The following CD8B variants were observed in gnomAD, a reference collection of about 807,000 sequenced individuals.
The protein encoded by CD8B is CD8 subunit beta, also known as T-cell surface glycoprotein CD8 beta chain.
Under a neutral mutation model 24.2 loss-of-function variants are expected in CD8B, and 6 were observed. The ratio of observed to expected loss-of-function variants is 0.25; its 90% CI spans 0.14 to 0.49. CD8B has a LOEUF of 0.49. Ranked by LOEUF, CD8B falls within the 20% of genes least tolerant of loss-of-function variation. The pLI is 0.98. For missense variants in CD8B, 196 were observed against 271.3 expected (o/e 0.72, Z 1.95); for synonymous variants, 84 against 108.3 (o/e 0.78, Z 1.39).
intron 5 of CD8B, chr2:86,815,823 A>G (rs2104482423): frequency 1.4e-6 from 1 of 723,098 alleles, no homozygotes; most frequent in Non-Finnish European, 2.5e-6. Flanking sequence ...GTCGAGTCAG[A>G]TGTTGTGTCA....
chr2:86,861,877 C>A lies in CD8B; in HGVS notation c.-12G>T. 5.5e-6 allele frequency: 7 copies of A among 1,267,226 alleles called. No homozygotes were observed. The highest frequency in any genetic ancestry group is 2.9e-5 in the South Asian group (1 of 34,670). 78.5% of individuals were successfully genotyped at this position (1,267,226 alleles called of 1,614,324 possible). ...AGCCGCGGCCGCATCGTGGCGCGCC[C>A]GGGACACCTGGCCCCGGGGGCTCGG... On this transcript the variant is annotated 5_prime_UTR_variant, in exon 1 of 6. Coordinates refer to ENST00000390655, the MANE Select transcript of CD8B (RefSeq NM_004931.5).
intron 3 of CD8B, among the ~76,000 whole-genome samples, chr2:86,850,802 T>C (rs1160659503): frequency 1.3e-5 from 2 of 152,134 alleles, no homozygotes; most frequent in African/African-American, 2.4e-5. Flanking sequence ...CAAGAAATGA[T>C]GCAAGAGGCC....
chr2:86,839,458 T>TG lies in CD8B; in HGVS notation c.*2848dup, dbSNP rs1675316785. Among the ~76,000 whole-genome samples the TG allele has an allele frequency of 6.6e-6, 1 of 152,204 alleles. No homozygotes were observed. On this transcript the variant is annotated 3_prime_UTR_variant, in exon 6 of 6. Transcript: ENST00000390655. ...AGTCAAAAGATAGCTGGATGGAGTT[T>TG]GGGGGGCATATTTCATCATAATGGC...
chr2:86,836,254 G>C (rs71259937), downstream of CD8B, among the ~76,000 whole-genome samples: 2 of 152,110 alleles, frequency 1.3e-5, no homozygotes, highest in Non-Finnish European at 2.9e-5. Context: ...ATTCATTTCA[G>C]TTCTGGCCTC....
At chr2:86,849,267 C>T (rs1675853833) in intron 3 of CD8B, among the ~76,000 whole-genome samples, 1 of 152,002 alleles carries the variant, frequency 6.6e-6, no homozygotes, top group Non-Finnish European at 1.5e-5. Context: ...CAAGCCAAGG[C>T]TGGATGGCTG....
rs1156519138 is a variant in CD8B, at chr2:86,840,590, C to T, written c.*1717G>A. Among the ~76,000 whole-genome samples the T allele has an allele frequency of 1.3e-5, 2 of 152,214 alleles. No individual in the cohort carries two copies. Among genetic ancestry groups the T allele is most frequent in the Non-Finnish European group, 2.9e-5 (2 of 68,042 alleles). Reference sequence around the variant, plus strand: ...GGTACCTCAAAAGGGGTACTTAAAACCCAGAAAACTTTGCAATTGGGCCCA... The same window carrying T: ...GGTACCTCAAAAGGGGTACTTAAAATCCAGAAAACTTTGCAATTGGGCCCA... On this transcript the variant is annotated 3_prime_UTR_variant, in exon 6 of 6. Coordinates refer to ENST00000390655, the MANE Select transcript of CD8B (RefSeq NM_004931.5).
downstream of CD8B, among the ~76,000 whole-genome samples, chr2:86,837,160 C>A (rs1279733131): frequency 7.9e-5 from 12 of 152,180 alleles, no homozygotes; most frequent in Admixed American, 7.9e-4. Flanking sequence ...CTGTCTCAAA[C>A]AACAACAAAA....
chr2:86,835,668 T>A (rs1366568792), downstream of CD8B, among the ~76,000 whole-genome samples: 3 of 151,278 alleles, frequency 2.0e-5, no homozygotes, highest in Non-Finnish European at 4.4e-5. Context: ...CCTCCACCCC[T>A]CCACCAACAC....
At chr2:86,825,290 T>G (rs2104503678) in intron 5 of CD8B, among the ~76,000 whole-genome samples, 1 of 152,242 alleles carries the variant, frequency 6.6e-6, no homozygotes, top group South Asian at 2.1e-4. Flanking sequence ...TGGCGGCAGC[T>G]CTGTCTGACT....
intron 5 of CD8B, among the ~76,000 whole-genome samples, chr2:86,823,899 T>G (rs1467346037): frequency 6.7e-6 from 1 of 150,154 alleles, no homozygotes; most frequent in Non-Finnish European, 1.5e-5. Context: ...TGATGGGGAG[T>G]GGTCCTGGAG....
At chr2:86,827,439 C>G (rs916925396) in intron 5 of CD8B, among the ~76,000 whole-genome samples, 1 of 151,894 alleles carries the variant, frequency 6.6e-6, no homozygotes, top group African/African-American at 2.4e-5. Context: ...GCCTGGCCAA[C>G]ATGGTGAAAC....
intron 5 of CD8B, among the ~76,000 whole-genome samples, chr2:86,817,333 A>G (rs1241895619): frequency 6.6e-6 from 1 of 152,188 alleles, no homozygotes; most frequent in Non-Finnish European, 1.5e-5. Flanking sequence ...TTTGATGTAT[A>G]AGAGTGTTCA....
chr2:86,850,182 T>C (rs1675906626), intron 3 of CD8B, among the ~76,000 whole-genome samples: 1 of 152,140 alleles, frequency 6.6e-6, no homozygotes, highest in South Asian at 2.1e-4. Context: ...CGGGAAAAGC[T>C]GCTGCTGCAA....
chr2:86,833,029 C>T (rs1174567598), intron 5 of CD8B: 4 of 405,244 alleles, frequency 9.9e-6, no homozygotes, highest in Non-Finnish European at 2.0e-5. Flanking sequence ...TTCCCCTCCA[C>T]CCTTCCTCTT....
chr2:86,847,701 G>A (rs1221491561), intron 3 of CD8B, among the ~76,000 whole-genome samples: 1 of 152,150 alleles, frequency 6.6e-6, no homozygotes, highest in Non-Finnish European at 1.5e-5. Flanking sequence ...AAGTAGCTGG[G>A]ATTACAGGCG....
chr2:86,844,513 G>T, intron 5 of CD8B: 1 of 683,556 alleles, frequency 1.5e-6, no homozygotes. Context: ...TTCTGTGCAT[G>T]CAAAGCCTGA....
At chr2:86,846,309 C>T (rs1390184057) in intron 4 of CD8B, among the ~76,000 whole-genome samples, 1 of 152,136 alleles carries the variant, frequency 6.6e-6, no homozygotes, top group African/African-American at 2.4e-5. Context: ...CTCAACTGCT[C>T]ACGTGAGTTC....
chr2:86,838,739 T>A lies in CD8B; in HGVS notation c.*3568A>T, dbSNP rs1311085359. On this transcript the variant is annotated 3_prime_UTR_variant, in exon 6 of 6. Coordinates refer to ENST00000390655, the MANE Select transcript of CD8B (RefSeq NM_004931.5). ...CTGCTCTCAAACTCCTGAGCTCAAGTGATCATTCTGTGTGGGCCTCCCAAA... is the reference window on the plus strand; with the variant it reads ...CTGCTCTCAAACTCCTGAGCTCAAGAGATCATTCTGTGTGGGCCTCCCAAA... Among the ~76,000 whole-genome samples, 1 of 152,224 alleles carries A rather than the reference T, an allele frequency of 6.6e-6. No homozygotes were observed. The highest frequency in any genetic ancestry group is 2.4e-5 in the African/African-American group (1 of 41,444).
At chr2:86,815,906 G>C (rs897778394) in intron 5 of CD8B, among the ~76,000 whole-genome samples, 5 of 152,160 alleles carry the variant, frequency 3.3e-5, no homozygotes. Flanking sequence ...AACCACATTT[G>C]ATTCAGGATC....
Sources: gnomAD v4.1 joint callset for allele counts (sites outside exome capture counted in the v4.1 genomes callset) on GRCh38, gnomAD v4.1.1 for gene constraint, MANE v1.5 for transcripts, NCBI Gene and HGNC (gene_info 2026-07-23, HGNC 2026-07-21) for gene names.